LOC128125817: variants seen among roughly 807,000 people sequenced by gnomAD.
the LOC128125817 span, among the ~76,000 whole-genome samples, chr1:41,601,010 G>A: frequency 6.6e-6 from 1 of 152,124 alleles, no homozygotes; most frequent in East Asian, 1.9e-4. Flanking sequence ...TTATTGAAGA[G>A]ACTACCCTTC....
chr1:41,602,794 G>C, the LOC128125817 span, among the ~76,000 whole-genome samples: 1 of 151,738 alleles, frequency 6.6e-6, no homozygotes, highest in African/African-American at 2.4e-5. Flanking sequence ...CTAGGTCTTT[G>C]AGGTATAAAG....
chr1:41,593,071 G>A, the LOC128125817 span, among the ~76,000 whole-genome samples: 1 of 152,238 alleles, frequency 6.6e-6, no homozygotes, highest in Non-Finnish European at 1.5e-5. Flanking sequence ...TAGTTTTGTC[G>A]AGACCAGAAG....
At chr1:41,617,026 AC>A in the LOC128125817 span, among the ~76,000 whole-genome samples, 1 of 152,064 alleles carries the variant, frequency 6.6e-6, no homozygotes, top group Non-Finnish European at 1.5e-5. Flanking sequence ...CCGGATTTGA[AC>A]CCTGGCTGTC....
At chr1:41,605,116 A>T in the LOC128125817 span, among the ~76,000 whole-genome samples, 1 of 145,778 alleles carries the variant, frequency 6.9e-6, no homozygotes, top group East Asian at 2.0e-4. Flanking sequence ...AATAAAAAAA[A>T]AAAAAAAGAG....
the LOC128125817 span, among the ~76,000 whole-genome samples, chr1:41,607,776 A>T: frequency 6.6e-6 from 1 of 152,204 alleles, no homozygotes; most frequent in Non-Finnish European, 1.5e-5. Flanking sequence ...AGTGGCTTAG[A>T]CGAGACAGTT....
chr1:41,605,906 C>G, the LOC128125817 span, among the ~76,000 whole-genome samples: 3 of 152,112 alleles, frequency 2.0e-5, no homozygotes, highest in Non-Finnish European at 2.9e-5. Flanking sequence ...TTTGAGTGAA[C>G]AAATGAACCT....
chr1:41,604,864 G>A, the LOC128125817 span, among the ~76,000 whole-genome samples: 1 of 152,050 alleles, frequency 6.6e-6, no homozygotes, highest in Non-Finnish European at 1.5e-5. Context: ...AGCATTTTGG[G>A]AGGCCGAGGT....
chr1:41,623,055 T>C, the LOC128125817 span, among the ~76,000 whole-genome samples: 1 of 152,162 alleles, frequency 6.6e-6, no homozygotes, highest in Non-Finnish European at 1.5e-5. Context: ...GCAAACCCAG[T>C]GGTCCAAACC....
the LOC128125817 span, among the ~76,000 whole-genome samples, chr1:41,587,863 T>A: frequency 6.6e-6 from 1 of 152,208 alleles, no homozygotes. Context: ...TGATGCGCAC[T>A]GCAGTCTATG....
the LOC128125817 span, among the ~76,000 whole-genome samples, chr1:41,600,475 T>C: frequency 6.6e-6 from 1 of 152,330 alleles, no homozygotes; most frequent in South Asian, 2.1e-4. Flanking sequence ...AAATACTGCA[T>C]AATTTCACTT....
At chr1:41,626,174 G>T in the LOC128125817 span, among the ~76,000 whole-genome samples, 2 of 152,126 alleles carry the variant, frequency 1.3e-5, no homozygotes, top group East Asian at 3.8e-4. Context: ...GGTGCTGATG[G>T]GCCACCCCGC....
chr1:41,594,712 A>C, the LOC128125817 span, among the ~76,000 whole-genome samples: 1 of 152,172 alleles, frequency 6.6e-6, no homozygotes, highest in East Asian at 1.9e-4. Flanking sequence ...AGCTGTACAG[A>C]ATTTTTTTTT....
the LOC128125817 span, among the ~76,000 whole-genome samples, chr1:41,620,211 G>T: frequency 1.3e-5 from 2 of 152,212 alleles, no homozygotes; most frequent in African/African-American, 2.4e-5. Context: ...GCACAGGTGG[G>T]TCCAGTTTCC....
the LOC128125817 span, among the ~76,000 whole-genome samples, chr1:41,587,964 C>T: frequency 1.3e-5 from 2 of 152,192 alleles, no homozygotes; most frequent in Non-Finnish European, 2.9e-5. Flanking sequence ...AGCATCTGAA[C>T]AATAGAGTTG....
the LOC128125817 span, among the ~76,000 whole-genome samples, chr1:41,609,751 G>A: frequency 6.6e-6 from 1 of 152,204 alleles, no homozygotes; most frequent in African/African-American, 2.4e-5. Flanking sequence ...CGTTCCCAAT[G>A]GCTGAAATGC....
At chr1:41,599,794 A>T in the LOC128125817 span, among the ~76,000 whole-genome samples, 1 of 152,238 alleles carries the variant, frequency 6.6e-6, no homozygotes, top group Non-Finnish European at 1.5e-5. Flanking sequence ...TAAAAAGACA[A>T]GAATGAGAGA....
chr1:41,620,592 T>C, the LOC128125817 span, among the ~76,000 whole-genome samples: 1 of 152,152 alleles, frequency 6.6e-6, no homozygotes, highest in African/African-American at 2.4e-5. Context: ...GGTAGCAGCT[T>C]CCACAGCTGC....
chr1:41,621,316 T>C, the LOC128125817 span, among the ~76,000 whole-genome samples: 3 of 152,248 alleles, frequency 2.0e-5, no homozygotes, highest in African/African-American at 4.8e-5. Flanking sequence ...GGAGGGTATG[T>C]GGACACACAT....
At chr1:41,609,742 G>A in the LOC128125817 span, among the ~76,000 whole-genome samples, 24 of 152,314 alleles carry the variant, frequency 1.6e-4, 1 homozygote, top group African/African-American at 2.4e-4. Flanking sequence ...AACACACGCC[G>A]TTCCCAATGG....
Sources: allele counts gnomAD v4.1 joint callset (sites outside exome capture counted in the v4.1 genomes callset), GRCh38; gene constraint gnomAD v4.1.1; transcripts MANE v1.5.